NEURL1B: variants seen among roughly 807,000 people sequenced by gnomAD.
The protein encoded by NEURL1B is neuralized E3 ubiquitin protein ligase 1B.
In NEURL1B, 13 loss-of-function variants were observed where a neutral mutation model predicts 37.4. That is an observed-to-expected ratio of 0.35 (90% confidence interval 0.23 to 0.55). The LOEUF is 0.55. Ranked by LOEUF, NEURL1B falls within the 20% of genes least tolerant of loss-of-function variation. The pLI is 0.89. For synonymous variants in NEURL1B, 432 were observed against 426.6 expected, an observed-to-expected ratio of 1.01 and a Z score of -0.16; for missense variants, 790 against 879.2, an observed-to-expected ratio of 0.90 and a Z score of 1.28.
At chr5:172,680,066 CCT>C (rs1445066539) in intron 2 of NEURL1B, among the ~76,000 whole-genome samples, 3 of 152,202 alleles carry the variant, frequency 2.0e-5, no homozygotes, top group African/African-American at 7.2e-5. Context: ...TGTGTGTTCA[CCT>C]CTGTTCACCC....
At chr5:172,685,412 G>T (rs1320341605) in intron 3 of NEURL1B, among the ~76,000 whole-genome samples, 1 of 152,172 alleles carries the variant, frequency 6.6e-6, no homozygotes, top group Non-Finnish European at 1.5e-5. Context: ...CCCATTATCT[G>T]TCCATTCATC....
At chr5:172,658,075 C>T (rs2113280210) in intron 1 of NEURL1B, among the ~76,000 whole-genome samples, 1 of 152,216 alleles carries the variant, frequency 6.6e-6, no homozygotes, top group Admixed American at 6.5e-5. Flanking sequence ...GAAGATTCAC[C>T]CTCCTTACCC....
Position 172,686,024 on chromosome 5 carries a change from A to T in NEURL1B, c.1298-147A>T. 1 of 877,180 alleles carries T rather than the reference A, an allele frequency of 1.1e-6. No individual in the cohort carries two copies. Among genetic ancestry groups the T allele is most frequent in the Non-Finnish European group, 1.7e-6 (1 of 589,020 alleles). The allele number at this position is 877,180 out of a possible 1,614,324, so 54.3% of individuals were successfully genotyped here. On this transcript the variant is annotated intron_variant, in intron 3 of 4. Transcript: ENST00000369800. The surrounding 1 kb of genome is among the most constrained non-coding windows in gnomAD (Gnocchi z 7.9). ...GAACAGAGGCACCACACTGGGATGCACTCTTCACTCCTCAGCAGAACCCTG... is the reference window on the plus strand; with the variant it reads ...GAACAGAGGCACCACACTGGGATGCTCTCTTCACTCCTCAGCAGAACCCTG...
rs911374313 is a variant in NEURL1B, at chr5:172,689,622, C to T, written c.*2697C>T. ...AACTGAGGTCCTGTGAGTGAAGTGACCTCATGATCACACAACAGGAGATGG... is the reference window on the plus strand; with the variant it reads ...AACTGAGGTCCTGTGAGTGAAGTGATCTCATGATCACACAACAGGAGATGG... On this transcript the variant is annotated 3_prime_UTR_variant, in exon 5 of 5. Coordinates refer to ENST00000369800, the MANE Select transcript of NEURL1B (RefSeq NM_001142651.3). 1 of 152,216 alleles carries T rather than the reference C, an allele frequency of 6.6e-6. No homozygotes were observed. The highest frequency in any genetic ancestry group is 2.4e-5 in the African/African-American group (1 of 41,452). The allele number at this position is 152,216 out of a possible 1,614,324, so 9.4% of individuals were successfully genotyped here.
At chr5:172,649,048 G>A (rs191435498) in intron 1 of NEURL1B, among the ~76,000 whole-genome samples, 2 of 152,344 alleles carry the variant, frequency 1.3e-5, no homozygotes, top group African/African-American at 2.4e-5. Flanking sequence ...GAAGTGCATG[G>A]TGGACCCAAT....
chr5:172,686,151 G>T lies in NEURL1B; in HGVS notation c.1298-20G>T. The T allele has an allele frequency of 6.4e-7, 1 of 1,550,996 alleles. No individual in the cohort carries two copies. Among genetic ancestry groups the T allele is most frequent in the Non-Finnish European group, 8.7e-7 (1 of 1,146,630 alleles). ...GGTCCAACCTTCCACTGCCCCTGATGGAATCTCTTTGGGCCTCAGGTACCC... is the reference window on the plus strand; with the variant it reads ...GGTCCAACCTTCCACTGCCCCTGATTGAATCTCTTTGGGCCTCAGGTACCC... On this transcript the variant is annotated intron_variant, in intron 3 of 4. Transcript: ENST00000369800. This position sits in a 1 kb window ranked among gnomAD's most constrained non-coding sequence, Gnocchi z 7.9.
At chr5:172,652,488 G>T (rs1219389220) in intron 1 of NEURL1B, among the ~76,000 whole-genome samples, 1 of 152,220 alleles carries the variant, frequency 6.6e-6, no homozygotes, top group Non-Finnish European at 1.5e-5. Context: ...TGATCCTCTA[G>T]CAAAATGAAT....
At chr5:172,684,235 A>G in intron 3 of NEURL1B, 97 bp downstream of exon 3, 10 of 1,023,490 alleles carry the variant, frequency 9.8e-6, no homozygotes, top group Non-Finnish European at 1.1e-5. Context: ...CCCTCTCGCT[A>G]GGCGCTGCAC....
intron 1 of NEURL1B, chr5:172,656,542 TTCC>T: frequency 6.2e-7 from 1 of 1,610,434 alleles, no homozygotes; most frequent in South Asian, 1.1e-5. Flanking sequence ...GATTTCTTAA[TTCC>T]ACCTATGGCC....
Position 172,683,392 on chromosome 5 carries a change from T to C in NEURL1B, c.578-27T>C. On this transcript the variant is annotated intron_variant, in intron 2 of 4. Coordinates refer to ENST00000369800, the MANE Select transcript of NEURL1B (RefSeq NM_001142651.3). The surrounding 1 kb of genome is among the most constrained non-coding windows in gnomAD (Gnocchi z 5.6). ...CAGCCTGACGCGCGGCCTCTCCCCC[T>C]CCATGTCCCTCCCTTTGTCCGCACA... The C allele has an allele frequency of 7.7e-7, 1 of 1,299,460 alleles. No individual in the cohort carries two copies. Among genetic ancestry groups the C allele is most frequent in the South Asian group, 2.1e-5 (1 of 47,760 alleles). The allele number at this position is 1,299,460 out of a possible 1,614,324, so 80.5% of individuals were successfully genotyped here.
At chr5:172,673,866 C>T (rs1758178478) in intron 2 of NEURL1B, among the ~76,000 whole-genome samples, 1 of 151,342 alleles carries the variant, frequency 6.6e-6, no homozygotes, top group African/African-American at 2.4e-5. Flanking sequence ...TGGCTACACG[C>T]GGTGGCTCAC....
intron 2 of NEURL1B, among the ~76,000 whole-genome samples, chr5:172,680,409 G>A (rs566272475): frequency 6.6e-6 from 1 of 151,194 alleles, no homozygotes; most frequent in East Asian, 1.9e-4. Flanking sequence ...GACAAGAGGA[G>A]GAGAGTTGGC....
chr5:172,683,864 C>T lies in NEURL1B; in HGVS notation c.1023C>T (p.Gly341=), dbSNP rs1344007029. 2.2e-6 allele frequency: 3 copies of T among 1,386,092 alleles called. No individual in the cohort carries two copies. Among genetic ancestry groups the T allele is most frequent in the South Asian group, 1.4e-5 (1 of 69,136 alleles). The allele number at this position is 1,386,092 out of a possible 1,614,324, so 85.9% of individuals were successfully genotyped here. ...GLAAPGALAF[G]ITSCDPGVLR... The stretch of plus-strand genomic sequence containing the variant: ...CGGCGCCCGGCGCGCTGGCCTTCGG[C>T]ATCACGTCGTGCGACCCGGGCGTGC... The change falls in exon 3 of 5, where the codon GGC becomes GGT. Residue 341 remains glycine (G), a synonymous_variant. Transcript: ENST00000369800. The surrounding 1 kb of genome is among the most constrained non-coding windows in gnomAD (Gnocchi z 5.6).
intron 2 of NEURL1B, among the ~76,000 whole-genome samples, chr5:172,670,955 G>A (rs764786084): frequency 1.3e-4 from 20 of 152,210 alleles, no homozygotes; most frequent in Non-Finnish European, 2.5e-4. Context: ...CGATTCTCAC[G>A]GAGGAGGCAG....
intron 1 of NEURL1B, among the ~76,000 whole-genome samples, chr5:172,651,872 G>A (rs1046302221): frequency 1.3e-5 from 2 of 152,180 alleles, no homozygotes; most frequent in African/African-American, 4.8e-5. Context: ...ACCTGTAAGG[G>A]CTTCTCTTGC....
At position 172,686,387 on chromosome 5, in the gene NEURL1B, G is replaced by C; in HGVS notation, c.1423+91G>C. 7.3e-7 allele frequency: 1 copy of C among 1,369,328 alleles called. No homozygotes were observed. The highest frequency in any genetic ancestry group is 1.0e-6 in the Non-Finnish European group (1 of 1,000,412). 84.8% of individuals were successfully genotyped at this position (1,369,328 alleles called of 1,614,324 possible). ...AGTGGCCTTCCAGGGACTGAGCAGGGTGGCCGCCTTTCCCCCGCATCCTCT... is the reference window on the plus strand; with the variant it reads ...AGTGGCCTTCCAGGGACTGAGCAGGCTGGCCGCCTTTCCCCCGCATCCTCT... On this transcript the variant is annotated intron_variant, in intron 4 of 4. Transcript: ENST00000369800. The surrounding 1 kb of genome is among the most constrained non-coding windows in gnomAD (Gnocchi z 7.9).
At chr5:172,674,194 T>C (rs548673134) in intron 2 of NEURL1B, among the ~76,000 whole-genome samples, 1 of 152,290 alleles carries the variant, frequency 6.6e-6, no homozygotes, top group South Asian at 2.1e-4. Flanking sequence ...CTGCATTTCA[T>C]CTGGCAATCC....
Position 172,686,906 on chromosome 5 carries a change from T to C in NEURL1B, c.1649T>C (p.Ile550Thr). Residue 550 changes from isoleucine to threonine, a missense_variant, in exon 5 of 5, where the codon ATT (isoleucine) becomes ACT (threonine). By Grantham distance (89) the Ile-to-Thr change is moderately conservative. This residue lies in a region of NEURL1B where 115 missense variants were observed against 162.6 expected (regional missense o/e 0.71). Transcript: ENST00000369800. This position sits in a 1 kb window ranked among gnomAD's most constrained non-coding sequence, Gnocchi z 7.9. ...TGCCGGCGGCCCATCAAGGACGTCA[T>C]TAAGATCTACAGGCCATAGCCTAGC... ...PICRRPIKDV[I>T]KIYRP The C allele has an allele frequency of 6.5e-7, 1 of 1,549,690 alleles. No individual in the cohort carries two copies. The highest frequency in any genetic ancestry group is 1.2e-5 in the South Asian group (1 of 83,996).
intron 1 of NEURL1B, among the ~76,000 whole-genome samples, chr5:172,649,698 G>A (rs1279865074): frequency 6.6e-6 from 1 of 152,070 alleles, no homozygotes; most frequent in Non-Finnish European, 1.5e-5. Flanking sequence ...CCCCCTTTCA[G>A]TTCTGCATGG....
Sources: gnomAD v4.1 joint callset for allele counts (sites outside exome capture counted in the v4.1 genomes callset) on GRCh38, gnomAD v4.1.1 for gene constraint, gnomAD v4.1.1 regional missense constraint, Gnocchi (gnomAD v3.1) non-coding constraint, MANE v1.5 for transcripts, NCBI Gene and HGNC (gene_info 2026-07-23, HGNC 2026-07-21) for gene names.